The following MYO5B variants were observed in gnomAD, a reference collection of about 807,000 sequenced individuals.
MYO5B encodes unconventional myosin-Vb.
Under a neutral mutation model 229.3 loss-of-function variants are expected in MYO5B, and 143 were observed. That is an observed-to-expected ratio of 0.62 (90% CI 0.54 to 0.72). MYO5B has a LOEUF of 0.72. MYO5B is among the 30% of genes least tolerant of loss of function. The probability of loss-of-function intolerance (pLI) is 0.00; values close to 1 mark genes in which losing one functional copy is unlikely to be tolerated. For synonymous variants in MYO5B, 918 were observed against 885.2 expected (o/e 1.04, Z -0.66); for missense variants, 2,321 against 2,331.0 (o/e 1.00, Z 0.09).
intron 4 of MYO5B, among the ~76,000 whole-genome samples, chr18:50,028,103 A>C (rs1248058512): frequency 3.9e-5 from 6 of 152,214 alleles, no homozygotes; most frequent in African/African-American, 1.4e-4. Context: ...TGATGGTTTC[A>C]GGGATGTATA....
At chr18:50,103,722 C>T (rs920335438) in intron 1 of MYO5B, among the ~76,000 whole-genome samples, 2 of 152,072 alleles carry the variant, frequency 1.3e-5, no homozygotes, top group African/African-American at 4.8e-5. Context: ...GCCCATGCAA[C>T]AGAGCAAGAC....
chr18:49,839,081 C>G, intron 36 of MYO5B, 63 bp downstream of exon 36: 1 of 1,602,198 alleles, frequency 6.2e-7, no homozygotes, highest in Non-Finnish European at 8.5e-7. Flanking sequence ...AGGGTGCTGA[C>G]CACGCCTTCC....
At chr18:49,873,333 A>C (rs1471025177) in intron 26 of MYO5B, among the ~76,000 whole-genome samples, 1 of 152,174 alleles carries the variant, frequency 6.6e-6, no homozygotes, top group Admixed American at 6.5e-5. Context: ...TGGACAGATC[A>C]CTTAATGAGA....
chr18:49,876,374 C>T, intron 25 of MYO5B: 1 of 241,078 alleles, frequency 4.1e-6, no homozygotes, highest in South Asian at 5.9e-5. Flanking sequence ...GGATTCATGC[C>T]TGAGTTTGCC....
chr18:49,870,432 T>G (rs1483578126), intron 27 of MYO5B, among the ~76,000 whole-genome samples: 1 of 152,136 alleles, frequency 6.6e-6, no homozygotes, highest in Admixed American at 6.5e-5. Flanking sequence ...ATAGACAAAT[T>G]GGACTTCATG....
chr18:49,944,407 C>A (rs1464934466), intron 14 of MYO5B, among the ~76,000 whole-genome samples: 1 of 152,120 alleles, frequency 6.6e-6, no homozygotes, highest in African/African-American at 2.4e-5. Context: ...GAAGAGCCCA[C>A]TGCACATGAA....
rs759826786 is a variant in MYO5B at position 49,895,032 on chromosome 18, A to G, written c.2954T>C (p.Val985Ala). The change falls in exon 22 of 40, where the codon GTG (valine) becomes GCG (alanine). Residue 985 changes from valine (V) to alanine (A), a missense_variant. Transcript: ENST00000285039. The part of the protein sequence containing the change: ...EDTSLRLQEE[V>A]ESLRTELQRA... ...CTGCAGCTCTGTGCGCAGGCTCTCCACCTCCTCCTGCAGCCTGAGGCTGGT... is the reference window on the plus strand; with the variant it reads ...CTGCAGCTCTGTGCGCAGGCTCTCCGCCTCCTCCTGCAGCCTGAGGCTGGT... The G allele has an allele frequency of 6.2e-7, 1 of 1,613,388 alleles. No individual in the cohort carries two copies. The highest frequency in any genetic ancestry group is 8.5e-7 in the Non-Finnish European group (1 of 1,179,892).
intron 39 of MYO5B, among the ~76,000 whole-genome samples, chr18:49,828,402 C>A (rs1368390511): frequency 6.6e-6 from 1 of 152,202 alleles, no homozygotes; most frequent in Admixed American, 6.5e-5. Context: ...ATATAATAAA[C>A]ATCTGCATCT....
At chr18:49,946,354 A>T (rs1407069827) in intron 14 of MYO5B, 1 of 152,204 alleles carries the variant, frequency 6.6e-6, no homozygotes, top group African/African-American at 2.4e-5. Context: ...GAGATCAGAT[A>T]AGCTCAGGCA....
At chr18:49,995,811 A>G (rs983205652) in intron 5 of MYO5B, among the ~76,000 whole-genome samples, 1 of 152,208 alleles carries the variant, frequency 6.6e-6, no homozygotes, top group Non-Finnish European at 1.5e-5. Flanking sequence ...CTGCTGGCTC[A>G]CATCACAAAA....
At position 49,992,515 on chromosome 18, in the gene MYO5B, C is replaced by T. The variant is rs2025945047; in HGVS notation, c.613-84G>A. 5 of 1,583,682 alleles carry T rather than the reference C, an allele frequency of 3.2e-6. No individual in the cohort carries two copies. The Admixed American group carries it at 6.7e-5, about 21-fold the overall frequency. ...ATTGTATGTTTGTGGCAGCATGTGT[C>T]CCCTTTCTCTTCCTTACTTACAGAA... On this transcript the variant is annotated intron_variant, in intron 5 of 39. Coordinates refer to ENST00000285039, the MANE Select transcript of MYO5B (RefSeq NM_001080467.3).
rs1477172527 is a variant in MYO5B at position 50,104,290 on chromosome 18, ATC to A, written c.28-48914_28-48913del. 1.0e-2 allele frequency among the ~76,000 whole-genome samples: 1,451 copies of A among 145,152 alleles called. 22 individuals carry two copies. The highest frequency in any genetic ancestry group is 0.035 in the African/African-American group (1,370 of 39,534). Reference sequence around the variant, plus strand: ...GATATATATATATATATATATATATATCTCATAAATCTCAAAAAAATTTAAAA... The same window carrying A: ...GATATATATATATATATATATATATATCATAAATCTCAAAAAAATTTAAAA... On this transcript the variant is annotated intron_variant, in intron 1 of 39. Coordinates refer to ENST00000285039, the MANE Select transcript of MYO5B (RefSeq NM_001080467.3).
At chr18:49,859,521 G>C (rs935509132) in intron 29 of MYO5B, among the ~76,000 whole-genome samples, 1 of 152,166 alleles carries the variant, frequency 6.6e-6, no homozygotes. Context: ...TCATACCCAA[G>C]CTTTCTATTC....
chr18:50,179,086 G>A (rs993200204), intron 1 of MYO5B, among the ~76,000 whole-genome samples: 1 of 152,102 alleles, frequency 6.6e-6, no homozygotes, highest in Non-Finnish European at 1.5e-5. Flanking sequence ...AAATCTTAGG[G>A]CCGATAGCCC....
chr18:49,964,493 C>A (rs1171274425), intron 10 of MYO5B, among the ~76,000 whole-genome samples: 1 of 152,184 alleles, frequency 6.6e-6, no homozygotes, highest in Non-Finnish European at 1.5e-5. Flanking sequence ...CCCCATGCTC[C>A]ATTCGGGTCA....
intron 1 of MYO5B, among the ~76,000 whole-genome samples, chr18:50,168,326 G>A (rs2032882489): frequency 6.6e-6 from 1 of 152,236 alleles, no homozygotes; most frequent in South Asian, 2.1e-4. Flanking sequence ...GTGATTTACT[G>A]AGAGTCCTTT....
intron 39 of MYO5B, among the ~76,000 whole-genome samples, 163 bp from the exon 40 acceptor site, chr18:49,826,786 T>C (rs1276852768): frequency 6.6e-6 from 1 of 152,148 alleles, no homozygotes; most frequent in Non-Finnish European, 1.5e-5. Context: ...CTTGAGGTAT[T>C]TAGTGGGGAG....
chr18:49,939,533 T>C (rs2025290777), intron 14 of MYO5B, among the ~76,000 whole-genome samples: 1 of 152,204 alleles, frequency 6.6e-6, no homozygotes, highest in Non-Finnish European at 1.5e-5. Flanking sequence ...ATTTTAGATC[T>C]GGAACAAATG....
At chr18:49,929,200 G>A (rs780753967) in intron 17 of MYO5B, among the ~76,000 whole-genome samples, 3 of 152,182 alleles carry the variant, frequency 2.0e-5, no homozygotes, top group Non-Finnish European at 4.4e-5. Context: ...AGGGGACAAG[G>A]TAGGAATTGA....
Sources: gnomAD v4.1 joint callset for allele counts (sites outside exome capture counted in the v4.1 genomes callset) on GRCh38, gnomAD v4.1.1 for gene constraint, MANE v1.5 for transcripts, NCBI Gene and HGNC (gene_info 2026-07-23, HGNC 2026-07-21) for gene names.